The following USP31 variants were observed in gnomAD, a reference collection of about 807,000 sequenced individuals.
USP31 encodes the protein ubiquitin specific peptidase 31.
USP31 carries 44 observed loss-of-function variants against 119.4 expected under a neutral mutation model. The observed-to-expected ratio is 0.37, with a 90% CI of 0.29 to 0.47. USP31 has a LOEUF of 0.47. Among genes scored for constraint, USP31 ranks in the 20% least tolerant of loss-of-function variants. USP31 has a pLI of 0.99. For missense variants in USP31, 1,643 were observed against 1,730.2 expected, an observed-to-expected ratio of 0.95 and a Z score of 0.89; for synonymous variants, 749 against 705.6, an observed-to-expected ratio of 1.06 and a Z score of -0.97.
chr16:23,116,445 G>A (rs1252256118), intron 1 of USP31, among the ~76,000 whole-genome samples: 2 of 151,926 alleles, frequency 1.3e-5, no homozygotes, highest in Admixed American at 1.3e-4. Context: ...AAAACATAAG[G>A]GATAAAATTT....
intron 6 of USP31, among the ~76,000 whole-genome samples, chr16:23,094,046 G>A (rs535280424): frequency 2.0e-5 from 3 of 152,182 alleles, no homozygotes; most frequent in Admixed American, 1.3e-4. Context: ...GTGGGGTGTC[G>A]CCTCACCCGG....
chr16:23,062,755 A>G lies in USP31; in HGVS notation c.*5291T>C, dbSNP rs2141814915. On this transcript the variant is annotated 3_prime_UTR_variant, in exon 16 of 16. Transcript: ENST00000219689. ...CAGACTGGCGAGTGCTAGGCCATTC[A>G]CAACATGGTCCAAGCTCCCCAACTG... 6.5e-6 allele frequency: 1 copy of G among 152,722 alleles called. No homozygotes were observed. The highest frequency in any genetic ancestry group is 6.5e-5 in the Admixed American group (1 of 15,304). 9.5% of individuals were successfully genotyped at this position (152,722 alleles called of 1,614,324 possible).
At position 23,065,060 on chromosome 16, in the gene USP31, A is replaced by C. The variant is rs1900010389; in HGVS notation, c.*2986T>G. ...ACATTATCTAAGGGATTACCAAGGCAAGATGTAGGGCTGTCTTAAGGAATG... is the reference window on the plus strand; with the variant it reads ...ACATTATCTAAGGGATTACCAAGGCCAGATGTAGGGCTGTCTTAAGGAATG... On this transcript the variant is annotated 3_prime_UTR_variant, in exon 16 of 16. Transcript: ENST00000219689. 1 of 152,222 alleles carries C rather than the reference A, an allele frequency of 6.6e-6. No homozygotes were observed. The highest frequency in any genetic ancestry group is 1.5e-5 in the Non-Finnish European group (1 of 68,060). The allele number at this position is 152,222 out of a possible 1,614,324, so 9.4% of individuals were successfully genotyped here. A position where few individuals can be genotyped will look rare whatever the true frequency, so the allele number is the denominator to read the frequency against.
chr16:23,078,987 T>C (rs908112579), intron 13 of USP31: 1 of 152,234 alleles, frequency 6.6e-6, no homozygotes, highest in African/African-American at 2.4e-5. Context: ...TATTGAATGA[T>C]TCCATTTAAA....
At chr16:23,093,634 G>A (rs989551838) in intron 6 of USP31, among the ~76,000 whole-genome samples, 1 of 152,282 alleles carries the variant, frequency 6.6e-6, no homozygotes, top group African/African-American at 2.4e-5. Context: ...TTCCCAAGAA[G>A]ACAACCATAG....
intron 1 of USP31, among the ~76,000 whole-genome samples, chr16:23,132,729 ATAAAAGTTT>A (rs1361835428): frequency 1.3e-5 from 2 of 152,348 alleles, no homozygotes; most frequent in East Asian, 3.9e-4. Context: ...ATAGCTTTTA[ATAAAAGTTT>A]TCTTGGGATT....
chr16:23,116,491 C>T (rs981738682), intron 1 of USP31, among the ~76,000 whole-genome samples: 3 of 152,098 alleles, frequency 2.0e-5, no homozygotes, highest in African/African-American at 7.2e-5. Flanking sequence ...ACAGATACGA[C>T]TCATGAAAAA....
chr16:23,063,507 G>C lies in USP31; in HGVS notation c.*4539C>G, dbSNP rs367749403. ...TTATTTTTAGAACAAAACACTTTAG[G>C]AAAGTCTTCAGGCTAAATACAGTAT... is the stretch of plus-strand genomic sequence containing the variant. On this transcript the variant is annotated 3_prime_UTR_variant, in exon 16 of 16. Coordinates refer to ENST00000219689, the MANE Select transcript of USP31 (RefSeq NM_020718.4). 6.6e-6 allele frequency: 1 copy of C among 152,474 alleles called. No homozygotes were observed. The highest frequency in any genetic ancestry group is 2.4e-5 in the African/African-American group (1 of 41,386). The allele number at this position is 152,474 out of a possible 1,614,324, so 9.4% of individuals were successfully genotyped here.
chr16:23,092,478 T>C (rs938065181), intron 6 of USP31, among the ~76,000 whole-genome samples: 7 of 152,066 alleles, frequency 4.6e-5, no homozygotes, highest in African/African-American at 1.7e-4. Flanking sequence ...AGAAAACAAA[T>C]CATTTCCACA....
In USP31 at chr16:23,061,890, G is replaced by C. The variant is rs965439384; in HGVS notation, c.*6156C>G. 1 of 152,662 alleles carries C rather than the reference G, an allele frequency of 6.6e-6. No individual in the cohort carries two copies. Among genetic ancestry groups the C allele is most frequent in the African/African-American group, 2.4e-5 (1 of 41,470 alleles). The allele number at this position is 152,662 out of a possible 1,614,324, so 9.5% of individuals were successfully genotyped here. A position where few individuals can be genotyped will look rare whatever the true frequency, so the allele number is the denominator to read the frequency against. On this transcript the variant is annotated 3_prime_UTR_variant, in exon 16 of 16. Coordinates refer to ENST00000219689, the MANE Select transcript of USP31 (RefSeq NM_020718.4). ...ATTCAATTTTAACCAGTGGTGAGAG[G>C]CACAGTTGGTGAGCAGACCTCTATG...
At chr16:23,093,205 C>A (rs141143991) in intron 6 of USP31, among the ~76,000 whole-genome samples, 1 of 151,950 alleles carries the variant, frequency 6.6e-6, no homozygotes, top group Non-Finnish European at 1.5e-5. Context: ...AACTTTTGTA[C>A]GTCAAAGAAC....
Position 23,068,313 on chromosome 16 carries a change from C to T in USP31, c.3792G>A (p.Lys1264=), listed in dbSNP as rs564253543. The T allele has an allele frequency of 6.2e-7, 1 of 1,614,062 alleles. No homozygotes were observed. The highest frequency in any genetic ancestry group is 1.3e-5 in the African/African-American group (1 of 75,044). The change falls in exon 16 of 16, where the codon AAG becomes AAA. Residue 1264 remains lysine, a synonymous_variant. Transcript: ENST00000219689. ...AGGSSVKSVC[K]NTGDDEAERG... is the part of the protein sequence containing the mutation. ...TCTCTGCCTCGTCGTCCCCGGTGTT[C>T]TTACAGACAGACTTAACAGAGCTCC...
intron 6 of USP31, among the ~76,000 whole-genome samples, chr16:23,097,563 C>G (rs1247804346): frequency 6.6e-6 from 1 of 152,112 alleles, no homozygotes. Context: ...AACATCGATG[C>G]AAAAATCCTC....
chr16:23,136,494 A>T (rs1352703010), intron 1 of USP31, among the ~76,000 whole-genome samples: 1 of 152,128 alleles, frequency 6.6e-6, no homozygotes, highest in Non-Finnish European at 1.5e-5. Flanking sequence ...CTCTACTAAA[A>T]ATACAAAAAA....
At position 23,062,411 on chromosome 16, in the gene USP31, C is replaced by T. The variant is rs1899877694; in HGVS notation, c.*5635G>A. The stretch of plus-strand genomic sequence containing the variant: ...AAAAGACACCAAAGAAAATGTTTCA[C>T]ATTCATTTTCAAACTAAAAAAAAGA... On this transcript the variant is annotated 3_prime_UTR_variant, in exon 16 of 16. Transcript: ENST00000219689. The T allele has an allele frequency of 6.6e-6, 1 of 150,898 alleles. No homozygotes were observed. Among genetic ancestry groups the T allele is most frequent in the Non-Finnish European group, 1.5e-5 (1 of 67,702 alleles). The allele number at this position is 150,898 out of a possible 1,614,324, so 9.3% of individuals were successfully genotyped here.
At chr16:23,144,850 A>T (rs1015998415) in intron 1 of USP31, among the ~76,000 whole-genome samples, 6 of 152,124 alleles carry the variant, frequency 3.9e-5, no homozygotes, top group African/African-American at 1.4e-4. Flanking sequence ...ACCTTTTTTT[A>T]AAAAGTAATC....
At chr16:23,114,550 C>A (rs1346516601) in intron 1 of USP31, among the ~76,000 whole-genome samples, 1 of 151,894 alleles carries the variant, frequency 6.6e-6, no homozygotes, top group African/African-American at 2.4e-5. Context: ...ATTTTATACA[C>A]AGCATCCATT....
chr16:23,098,062 A>C (rs1187767722), intron 6 of USP31, among the ~76,000 whole-genome samples: 2 of 152,208 alleles, frequency 1.3e-5, no homozygotes, highest in African/African-American at 4.8e-5. Flanking sequence ...ATGATTGTAT[A>C]TCTAGAAAAC....
rs1900011222 is a variant in USP31, at chr16:23,065,075, C to A, written c.*2971G>T. ...TTACCAAGGCAAGATGTAGGGCTGT[C>A]TTAAGGAATGATACGGCCTCAGTGC... On this transcript the variant is annotated 3_prime_UTR_variant, in exon 16 of 16. Coordinates refer to ENST00000219689, the MANE Select transcript of USP31 (RefSeq NM_020718.4). 1 of 152,114 alleles carries A rather than the reference C, an allele frequency of 6.6e-6. No homozygotes were observed. Among genetic ancestry groups the A allele is most frequent in the Non-Finnish European group, 1.5e-5 (1 of 68,028 alleles). 9.4% of individuals were successfully genotyped at this position (152,114 alleles called of 1,614,324 possible).
Sources: gnomAD v4.1 joint callset for allele counts (sites outside exome capture counted in the v4.1 genomes callset) on GRCh38, gnomAD v4.1.1 for gene constraint, MANE v1.5 for transcripts, NCBI Gene and HGNC (gene_info 2026-07-23, HGNC 2026-07-21) for gene names.